Variants in ERC2 observed in about 807,000 individuals in gnomAD.
The protein encoded by ERC2 is ELKS/RAB6-interacting/CAST family member 2, also known as ERC protein 2.
In ERC2, 42 loss-of-function variants were observed where a neutral mutation model predicts 114.8. That is an observed-to-expected ratio of 0.37 (90% CI 0.29 to 0.47). The LOEUF is 0.47. Among genes scored for constraint, ERC2 ranks in the 20% least tolerant of loss-of-function variants. ERC2 has a pLI of 0.99. For synonymous variants in ERC2, 454 were observed against 425.5 expected, an observed-to-expected ratio of 1.07 and a Z score of -0.82; for missense variants, 939 against 1,150.7, an observed-to-expected ratio of 0.82 and a Z score of 2.66.
At chr3:56,094,355 G>A in intron 6 of ERC2, among the ~76,000 whole-genome samples, 1 of 152,144 alleles carries the variant, frequency 6.6e-6, no homozygotes, top group East Asian at 1.9e-4. Flanking sequence ...TGTGATGTAA[G>A]TACTGCTTAA....
chr3:56,209,864 T>TG (rs1560379540), intron 3 of ERC2, among the ~76,000 whole-genome samples: 1 of 152,122 alleles, frequency 6.6e-6, no homozygotes, highest in Non-Finnish European at 1.5e-5. Context: ...GTCACAGCAT[T>TG]CAGTCCCTTC....
intron 3 of ERC2, among the ~76,000 whole-genome samples, chr3:56,212,472 G>A (rs956839067): frequency 2.0e-5 from 3 of 152,156 alleles, no homozygotes; most frequent in Admixed American, 6.5e-5. Flanking sequence ...TGGTGTGGAC[G>A]TGGTAAAAAA....
In ERC2 at chr3:56,007,338, G is replaced by A. The variant is rs771920269; in HGVS notation, c.1921-17C>T. ...TAAACTAGACTGAAAGAGAAAGAAT[G>A]TGAGTGAGTAAAACACTGAAATTTC... On this transcript the variant is annotated splice_polypyrimidine_tract_variant and intron_variant, in intron 9 of 17. Transcript: ENST00000288221. 1 of 1,587,464 alleles carries A rather than the reference G, an allele frequency of 6.3e-7. No individual in the cohort carries two copies. Among genetic ancestry groups the A allele is most frequent in the Non-Finnish European group, 8.6e-7 (1 of 1,166,268 alleles).
At chr3:55,996,217 T>C (rs941457476) in intron 10 of ERC2, among the ~76,000 whole-genome samples, 1 of 152,218 alleles carries the variant, frequency 6.6e-6, no homozygotes, top group African/African-American at 2.4e-5. Flanking sequence ...TTGCCCTTTC[T>C]ATACTTCTAA....
chr3:55,916,323 C>T lies in ERC2; in HGVS notation c.2404-27774G>A, dbSNP rs555354011. ...CTCTTGGGTTTCCAAATGTTTATTGCCTTGCTGACAGATTTTTAGACTGGT... is the reference window on the plus strand; with the variant it reads ...CTCTTGGGTTTCCAAATGTTTATTGTCTTGCTGACAGATTTTTAGACTGGT... On this transcript the variant is annotated intron_variant, in intron 13 of 17. Coordinates refer to ENST00000288221, the MANE Select transcript of ERC2 (RefSeq NM_015576.3). Among the ~76,000 whole-genome samples, 93 of 152,206 alleles carry T rather than the reference C, an allele frequency of 6.1e-4. 1 individual carries two copies. The South Asian group carries it at 0.019, about 32-fold the overall frequency.
chr3:56,178,603 A>C (rs1178866522), intron 3 of ERC2, among the ~76,000 whole-genome samples: 2 of 152,220 alleles, frequency 1.3e-5, no homozygotes, highest in Non-Finnish European at 2.9e-5. Context: ...ATCAATAGGA[A>C]AGGAACACTA....
At chr3:55,957,680 C>T (rs958822325) in intron 12 of ERC2, among the ~76,000 whole-genome samples, 1 of 152,116 alleles carries the variant, frequency 6.6e-6, no homozygotes, top group African/African-American at 2.4e-5. Flanking sequence ...TGTGAGCAAG[C>T]ATGGGGTCTG....
At chr3:56,001,875 C>CT (rs1482649840) in intron 10 of ERC2, among the ~76,000 whole-genome samples, 1 of 152,034 alleles carries the variant, frequency 6.6e-6, no homozygotes, top group Admixed American at 6.6e-5. Flanking sequence ...TTTTAAACAA[C>CT]TTTTTTTAAA....
chr3:56,373,271 C>T (rs904829098), intron 2 of ERC2, among the ~76,000 whole-genome samples: 6 of 151,914 alleles, frequency 3.9e-5, no homozygotes, highest in South Asian at 2.1e-4. Context: ...AAAGCCAGGC[C>T]GATATTCACC....
intron 3 of ERC2, among the ~76,000 whole-genome samples, chr3:56,197,336 C>T (rs868699926): frequency 1.3e-5 from 2 of 152,210 alleles, no homozygotes; most frequent in African/African-American, 4.8e-5. Context: ...TCTAAACTTC[C>T]TGATCACAGC....
chr3:55,913,055 A>G (rs1489359934), intron 13 of ERC2, among the ~76,000 whole-genome samples: 1 of 152,086 alleles, frequency 6.6e-6, no homozygotes, highest in Non-Finnish European at 1.5e-5. Context: ...GTGTGATCAT[A>G]GCTCACTGCA....
chr3:55,766,095 C>T (rs1216248135), intron 14 of ERC2, among the ~76,000 whole-genome samples: 1 of 152,178 alleles, frequency 6.6e-6, no homozygotes, highest in Non-Finnish European at 1.5e-5. Context: ...GCTACCAAGG[C>T]TGCCAGGAGG....
chr3:56,207,974 G>A (rs955747677), intron 3 of ERC2, among the ~76,000 whole-genome samples: 2 of 152,152 alleles, frequency 1.3e-5, no homozygotes, highest in Admixed American at 1.3e-4. Context: ...AAAACATTAT[G>A]TTTTCCTGTC....
intron 13 of ERC2, among the ~76,000 whole-genome samples, chr3:55,933,919 T>C (rs1248444702): frequency 6.6e-6 from 1 of 152,196 alleles, no homozygotes; most frequent in Non-Finnish European, 1.5e-5. Context: ...TATCTGTCTG[T>C]GTGAAGTCAG....
intron 14 of ERC2, among the ~76,000 whole-genome samples, chr3:55,772,108 C>T (rs2149028254): frequency 6.6e-6 from 1 of 152,244 alleles, no homozygotes; most frequent in African/African-American, 2.4e-5. Context: ...TACAGTAAGG[C>T]ATTAATACCT....
At chr3:56,326,104 G>T (rs901786664) in intron 2 of ERC2, among the ~76,000 whole-genome samples, 2 of 152,156 alleles carry the variant, frequency 1.3e-5, no homozygotes, top group African/African-American at 4.8e-5. Flanking sequence ...GGCCTGGCTG[G>T]GCCATCAGAT....
chr3:56,146,714 G>A (rs943872084), intron 5 of ERC2, among the ~76,000 whole-genome samples: 51 of 152,120 alleles, frequency 3.4e-4, no homozygotes, highest in African/African-American at 1.2e-3. Context: ...ATAGAAGAAT[G>A]TGTGGTCAAG....
chr3:55,556,867 G>C (rs191365202), intron 17 of ERC2, among the ~76,000 whole-genome samples: 10 of 152,254 alleles, frequency 6.6e-5, no homozygotes, highest in African/African-American at 2.2e-4. Flanking sequence ...TGAAAGAGTT[G>C]AAAAAGGGAA....
intron 7 of ERC2, among the ~76,000 whole-genome samples, chr3:56,038,447 G>A (rs1316793489): frequency 1.3e-5 from 2 of 152,160 alleles, no homozygotes; most frequent in Non-Finnish European, 2.9e-5. Context: ...ATGCTGGTGA[G>A]GCTGTAAAGA....
Sources: gnomAD v4.1 joint callset for allele counts (sites outside exome capture counted in the v4.1 genomes callset) on GRCh38, gnomAD v4.1.1 for gene constraint, MANE v1.5 for transcripts, NCBI Gene and HGNC (gene_info 2026-07-23, HGNC 2026-07-21) for gene names.